PIK3AP1: variants seen among roughly 807,000 people sequenced by gnomAD.
PIK3AP1 encodes phosphoinositide 3-kinase adapter protein 1.
A neutral mutation model predicts 88.1 loss-of-function variants in PIK3AP1; 21 were observed. The ratio of observed to expected loss-of-function variants is 0.24; its 90% CI spans 0.17 to 0.34. The LOEUF (loss-of-function observed/expected upper bound fraction) is 0.34. Among genes scored for constraint, PIK3AP1 ranks in the 10% least tolerant of loss-of-function variants. The pLI is 1.00. For missense variants in PIK3AP1, 828 were observed against 1,035.7 expected, an observed-to-expected ratio of 0.80 and a Z score of 2.75; for synonymous variants, 398 against 400.0, an observed-to-expected ratio of 1.00 and a Z score of 0.06.
intron 2 of PIK3AP1, among the ~76,000 whole-genome samples, chr10:96,685,230 G>T (rs551837392): frequency 6.6e-6 from 1 of 152,262 alleles, no homozygotes; most frequent in South Asian, 2.1e-4. Flanking sequence ...ATCCTTGCAT[G>T]GTTTGGGAGT....
At chr10:96,696,880 T>C (rs1844228318) in intron 2 of PIK3AP1, among the ~76,000 whole-genome samples, 1 of 152,222 alleles carries the variant, frequency 6.6e-6, no homozygotes, top group South Asian at 2.1e-4. Flanking sequence ...CTTGATAGGA[T>C]TTGGAAAAAT....
chr10:96,701,658 T>C (rs1844299920), intron 2 of PIK3AP1, among the ~76,000 whole-genome samples: 1 of 151,968 alleles, frequency 6.6e-6, no homozygotes, highest in African/African-American at 2.4e-5. Context: ...GGGAATAAAA[T>C]AAAATAAATA....
At position 96,640,838 on chromosome 10, in the gene PIK3AP1, A is replaced by T. The variant is rs573047580; in HGVS notation, c.1375+4635T>A. Among the ~76,000 whole-genome samples, 87 of 151,302 alleles carry T rather than the reference A, an allele frequency of 5.8e-4. 1 individual carries two copies. Among genetic ancestry groups the T allele is most frequent in the Admixed American group, 1.7e-3 (26 of 15,208 alleles). ...ACGCCCTGCTAATTTAAAAAAAAAA[A>T]TTTTTGTAGAAACGAGATCTTGCTA... On this transcript the variant is annotated intron_variant, in intron 8 of 16. Transcript: ENST00000339364.
rs111918378 is a variant in PIK3AP1, at chr10:96,693,397, C to T, written c.430+16170G>A. Among the ~76,000 whole-genome samples, 865 of 151,760 alleles carry T rather than the reference C, an allele frequency of 5.7e-3. 8 individuals carry two copies. Among genetic ancestry groups the T allele is most frequent in the African/African-American group, 0.02 (832 of 41,276 alleles). On this transcript the variant is annotated intron_variant, in intron 2 of 16. Transcript: ENST00000339364. ...GACAGATGGACAGACGGATGGATAA[C>T]TGGATGGATAGATGGAAAGATGAAT...
At chr10:96,643,770 T>C (rs1843422512) in intron 8 of PIK3AP1, among the ~76,000 whole-genome samples, 2 of 152,184 alleles carry the variant, frequency 1.3e-5, no homozygotes. Flanking sequence ...CATGAGTTCA[T>C]GGATGGGAAA....
intron 2 of PIK3AP1, among the ~76,000 whole-genome samples, chr10:96,667,967 T>C (rs559077753): frequency 1.3e-5 from 2 of 152,362 alleles, no homozygotes; most frequent in South Asian, 4.1e-4. Flanking sequence ...TTTTTATATC[T>C]AACTTCTATC....
rs1438040799 is a variant in PIK3AP1 at position 96,594,356 on chromosome 10, A to G, written c.*1221T>C. The G allele has an allele frequency of 1.3e-5, 2 of 152,238 alleles. No homozygotes were observed. Among genetic ancestry groups the G allele is most frequent in the Non-Finnish European group, 2.9e-5 (2 of 68,044 alleles). 9.4% of individuals were successfully genotyped at this position (152,238 alleles called of 1,614,324 possible). ...ATGCACATCCTCCTGTATGCTTTAA[A>G]TCATTTCTAGATTTCTTATAATATC... On this transcript the variant is annotated 3_prime_UTR_variant, in exon 17 of 17. Transcript: ENST00000339364. The surrounding 1 kb of genome is among the most constrained non-coding windows in gnomAD (Gnocchi z 4.6).
At chr10:96,679,144 ATTTTT>A (rs539145753) in intron 2 of PIK3AP1, among the ~76,000 whole-genome samples, 1 of 151,894 alleles carries the variant, frequency 6.6e-6, no homozygotes, top group African/African-American at 2.4e-5. Flanking sequence ...ACACTCAAGG[ATTTTT>A]TTTTATCATG....
At chr10:96,599,711 C>T (rs530954102) in intron 16 of PIK3AP1, among the ~76,000 whole-genome samples, 2 of 152,132 alleles carry the variant, frequency 1.3e-5, no homozygotes, top group East Asian at 1.9e-4. Flanking sequence ...CAAATATCCC[C>T]GTATTTTATT....
At chr10:96,613,364 G>A (rs763727326) in intron 13 of PIK3AP1, among the ~76,000 whole-genome samples, 6 of 152,070 alleles carry the variant, frequency 3.9e-5, no homozygotes, top group Non-Finnish European at 7.4e-5. Context: ...ATTACAATAA[G>A]TACCACAAAC....
intron 2 of PIK3AP1, among the ~76,000 whole-genome samples, chr10:96,661,827 CAGGAA>C (rs1248194793): frequency 9.1e-6 from 1 of 109,470 alleles, no homozygotes; most frequent in Non-Finnish European, 2.0e-5. Context: ...CAGGACAGGA[CAGGAA>C]AGGAAAGGGA....
At position 96,593,337 on chromosome 10, in the gene PIK3AP1, G is replaced by A. The variant is rs2134170540; in HGVS notation, c.*2240C>T. 6.6e-6 allele frequency: 1 copy of A among 152,210 alleles called. No homozygotes were observed. The highest frequency in any genetic ancestry group is 1.9e-4 in the East Asian group (1 of 5,184). The allele number at this position is 152,210 out of a possible 1,614,324, so 9.4% of individuals were successfully genotyped here. A position where few individuals can be genotyped will look rare whatever the true frequency, so the allele number is the denominator to read the frequency against. The stretch of plus-strand genomic sequence containing the variant: ...TTCTCATCAGCAATTTCAATTTTAT[G>A]TTTTCTACTTATTTTTATATAAGAA... On this transcript the variant is annotated 3_prime_UTR_variant, in exon 17 of 17. Coordinates refer to ENST00000339364, the MANE Select transcript of PIK3AP1 (RefSeq NM_152309.3).
intron 1 of PIK3AP1, among the ~76,000 whole-genome samples, chr10:96,712,230 T>A (rs1447784284): frequency 1.3e-5 from 2 of 152,026 alleles, no homozygotes; most frequent in Non-Finnish European, 2.9e-5. Context: ...GGTGTACAAA[T>A]CTTTTAAAAA....
chr10:96,662,582 A>T (rs1301034219), intron 2 of PIK3AP1, among the ~76,000 whole-genome samples: 7 of 141,614 alleles, frequency 4.9e-5, no homozygotes, highest in African/African-American at 1.6e-4. Flanking sequence ...CAGCCTGGGC[A>T]ACAAGAGGGA....
At chr10:96,717,275 A>T (rs929608770) in intron 1 of PIK3AP1, among the ~76,000 whole-genome samples, 3 of 151,534 alleles carry the variant, frequency 2.0e-5, no homozygotes, top group African/African-American at 7.3e-5. Context: ...AAAAAAAAAA[A>T]ACTCACTGGA....
At chr10:96,674,155 T>C (rs532523385) in intron 2 of PIK3AP1, among the ~76,000 whole-genome samples, 1 of 152,312 alleles carries the variant, frequency 6.6e-6, no homozygotes, top group East Asian at 1.9e-4. Context: ...TTAAAACTCC[T>C]TTAACCCAGG....
chr10:96,670,250 G>A (rs1843827133), intron 2 of PIK3AP1, among the ~76,000 whole-genome samples: 1 of 151,216 alleles, frequency 6.6e-6, no homozygotes, highest in Admixed American at 6.6e-5. Flanking sequence ...AAGAGATGAA[G>A]AAGGCAAGCT....
At position 96,652,774 on chromosome 10, in the gene PIK3AP1, A is replaced by G. The variant is rs1285188188; in HGVS notation, c.636T>C (p.Phe212=). ...LDDRVATEAE[F]SPEDSPSVRM... ...TTACAGAGGGAGAATCCTCAGGAGA[A>G]AACTCTGCTTCTGTCGCCACCCTGT... is the stretch of plus-strand genomic sequence containing the variant. Residue 212 remains phenylalanine, a synonymous_variant, in exon 4 of 17, where the codon TTT becomes TTC. Transcript: ENST00000339364. 1 of 1,613,996 alleles carries G rather than the reference A, an allele frequency of 6.2e-7. No individual in the cohort carries two copies. The highest frequency in any genetic ancestry group is 2.2e-5 in the East Asian group (1 of 44,888).
intron 12 of PIK3AP1, among the ~76,000 whole-genome samples, chr10:96,617,312 T>G (rs553251349): frequency 6.6e-6 from 1 of 152,332 alleles, no homozygotes; most frequent in African/African-American, 2.4e-5. Flanking sequence ...CATGTAAGGG[T>G]CAAGATTGTT....
Sources: gnomAD v4.1 joint callset for allele counts (sites outside exome capture counted in the v4.1 genomes callset) on GRCh38, gnomAD v4.1.1 for gene constraint, Gnocchi (gnomAD v3.1) non-coding constraint, MANE v1.5 for transcripts, NCBI Gene and HGNC (gene_info 2026-07-23, HGNC 2026-07-21) for gene names.